RAPGEF2: variants seen among roughly 807,000 people sequenced by gnomAD.
RAPGEF2 encodes the protein PDZ domain containing guanine nucleotide exchange factor (GEF) 1.
A neutral mutation model predicts 186.7 loss-of-function variants in RAPGEF2; 54 were observed. The observed-to-expected ratio is 0.29, with a 90% CI of 0.23 to 0.36. RAPGEF2 has a LOEUF of 0.36. RAPGEF2 is among the 10% of genes least tolerant of loss of function. RAPGEF2 has a pLI of 1.00. For synonymous variants in RAPGEF2, 712 were observed against 705.9 expected (o/e 1.01, Z -0.14); for missense variants, 1,532 against 2,045.0 (o/e 0.75, Z 4.84).
intron 11 of RAPGEF2, chr4:159,327,682 A>G (rs1215342511): frequency 6.6e-6 from 1 of 151,952 alleles, no homozygotes; most frequent in Non-Finnish European, 1.5e-5. Context: ...AAAGATTTTC[A>G]ACTGACTTCA....
At position 159,340,978 on chromosome 4, in the gene RAPGEF2, CT is replaced by C. The variant is rs572761822; in HGVS notation, c.2535-585del. On this transcript the variant is annotated intron_variant, in intron 19 of 29. Coordinates refer to ENST00000691494, the MANE Select transcript of RAPGEF2 (RefSeq NM_001394067.2). Reference sequence around the variant, plus strand: ...AGTATAATACCTACTATCCACTTACCTGTAGAGTTTTTATGAAAATCCAGAT... The same window carrying C: ...AGTATAATACCTACTATCCACTTACCGTAGAGTTTTTATGAAAATCCAGAT... Among the ~76,000 whole-genome samples, 468 of 152,278 alleles carry C rather than the reference CT, an allele frequency of 3.1e-3. 1 individual carries two copies. Among genetic ancestry groups the C allele is most frequent in the African/African-American group, 0.011 (440 of 41,546 alleles).
chr4:159,120,461 A>G (rs1739550102), intron 1 of RAPGEF2, among the ~76,000 whole-genome samples: 1 of 152,260 alleles, frequency 6.6e-6, no homozygotes, highest in African/African-American at 2.4e-5. Context: ...TGGTTGTTAT[A>G]CAAGATTAGC....
At chr4:159,121,508 G>A (rs1373636155) in intron 1 of RAPGEF2, among the ~76,000 whole-genome samples, 1 of 151,994 alleles carries the variant, frequency 6.6e-6, no homozygotes, top group East Asian at 1.9e-4. Context: ...TGGTACTACA[G>A]GTGTGTGCTA....
At chr4:159,267,788 T>A in intron 7 of RAPGEF2, 1 of 1,018,762 alleles carries the variant, frequency 9.8e-7, no homozygotes, top group Non-Finnish European at 1.2e-6. Context: ...TTTTAGCTTT[T>A]TTCTTTTTTT....
intron 4 of RAPGEF2, among the ~76,000 whole-genome samples, chr4:159,229,881 T>A (rs1164047274): frequency 1.3e-5 from 2 of 152,176 alleles, no homozygotes; most frequent in Admixed American, 6.5e-5. Flanking sequence ...GTCTTTTCAA[T>A]AATCATTTAC....
intron 3 of RAPGEF2, among the ~76,000 whole-genome samples, chr4:159,198,158 C>T (rs1748876778): frequency 6.6e-6 from 1 of 152,120 alleles, no homozygotes; most frequent in African/African-American, 2.4e-5. Flanking sequence ...CACTAATCTA[C>T]TACTTAGATC....
At chr4:159,199,515 T>A (rs950227332) in intron 3 of RAPGEF2, among the ~76,000 whole-genome samples, 2 of 152,076 alleles carry the variant, frequency 1.3e-5, no homozygotes, top group African/African-American at 4.8e-5. Flanking sequence ...ACTCCTTTGA[T>A]CTGTAGATAA....
intron 7 of RAPGEF2, among the ~76,000 whole-genome samples, chr4:159,289,951 C>T (rs1044197250): frequency 1.3e-5 from 2 of 152,068 alleles, no homozygotes; most frequent in East Asian, 3.9e-4. Flanking sequence ...GTGAGAAGAT[C>T]AAAAGGAGAA....
At chr4:159,268,878 TG>T (rs1343090041) in intron 7 of RAPGEF2, among the ~76,000 whole-genome samples, 9 of 152,212 alleles carry the variant, frequency 5.9e-5, no homozygotes, top group Admixed American at 1.3e-4. Flanking sequence ...TGAGTTCTCA[TG>T]GTGCTACTTT....
At chr4:159,341,157 A>AG (rs1378866858) in intron 19 of RAPGEF2, among the ~76,000 whole-genome samples, 3 of 151,724 alleles carry the variant, frequency 2.0e-5, no homozygotes, top group Admixed American at 6.6e-5. Flanking sequence ...TAAGAAAATA[A>AG]GAAAATAAGG....
intron 3 of RAPGEF2, among the ~76,000 whole-genome samples, chr4:159,193,645 A>C (rs1748343014): frequency 6.6e-6 from 1 of 152,242 alleles, no homozygotes; most frequent in Admixed American, 6.5e-5. Context: ...TTCTTTCAGA[A>C]ACAGGAAAAT....
Position 159,345,145 on chromosome 4 carries a change from T to A in RAPGEF2, c.3318T>A (p.Asp1106Glu). 1 of 1,614,166 alleles carries A rather than the reference T, an allele frequency of 6.2e-7. No individual in the cohort carries two copies. Among genetic ancestry groups the A allele is most frequent in the Non-Finnish European group, 8.5e-7 (1 of 1,180,002 alleles). The change falls in exon 24 of 30, where the codon GAT (aspartate) becomes GAA (glutamate). Residue 1106 changes from aspartate to glutamate, a missense_variant. Asp to Glu is a conservative substitution (Grantham distance 45). Coordinates refer to ENST00000691494, the MANE Select transcript of RAPGEF2 (RefSeq NM_001394067.2). The part of the protein sequence containing the change: ...SQGSTNATVL[D>E]VAQTGGHKKR... ...GTAGTACAAATGCAACAGTGCTAGA[T>A]GTTGCTCAGACAGGTGGTCATAAAA... is the stretch of plus-strand genomic sequence containing the variant.
chr4:159,124,917 A>G (rs1258251393), intron 1 of RAPGEF2, among the ~76,000 whole-genome samples: 2 of 152,204 alleles, frequency 1.3e-5, no homozygotes, highest in Non-Finnish European at 2.9e-5. Flanking sequence ...TTCATCCAGA[A>G]TGGTTTTTCC....
At chr4:159,250,942 C>G (rs1466000139) in intron 7 of RAPGEF2, among the ~76,000 whole-genome samples, 1 of 152,192 alleles carries the variant, frequency 6.6e-6, no homozygotes, top group Middle Eastern at 3.2e-3. Flanking sequence ...CAGGTGGGAA[C>G]CTGGGCTGTG....
chr4:159,144,707 A>G (rs1185551523), intron 1 of RAPGEF2, among the ~76,000 whole-genome samples: 1 of 152,138 alleles, frequency 6.6e-6, no homozygotes, highest in Non-Finnish European at 1.5e-5. Context: ...GATTTTTTCC[A>G]GAAATTATAA....
chr4:159,301,672 T>TAG (rs1015163817), intron 7 of RAPGEF2, among the ~76,000 whole-genome samples: 1 of 152,080 alleles, frequency 6.6e-6, no homozygotes, highest in Admixed American at 6.6e-5. Flanking sequence ...CTGGGCAACA[T>TAG]AGAGAGACCC....
chr4:159,178,551 CT>C (rs71589215), intron 1 of RAPGEF2, among the ~76,000 whole-genome samples: 955 of 75,414 alleles, frequency 0.013, 1 homozygote, highest in South Asian at 0.036. Flanking sequence ...ATGTATTATG[CT>C]TTTTTTTTTT....
chr4:159,295,712 AGTGTGTGAGTGTGTGTGT>A (rs1256851997), intron 7 of RAPGEF2, among the ~76,000 whole-genome samples: 1 of 97,292 alleles, frequency 1.0e-5, no homozygotes, highest in Non-Finnish European at 2.1e-5. Context: ...AGAGAGAGAG[AGTGTGTGAGTGTGTGTGT>A]GTGTGTGTGT....
At chr4:159,306,642 T>A (rs1763332339) in intron 8 of RAPGEF2, among the ~76,000 whole-genome samples, 1 of 152,154 alleles carries the variant, frequency 6.6e-6, no homozygotes, top group African/African-American at 2.4e-5. Context: ...CTTGCCTAAT[T>A]GCTCTGGCTA....
Sources: allele counts gnomAD v4.1 joint callset (sites outside exome capture counted in the v4.1 genomes callset), GRCh38; gene constraint gnomAD v4.1.1; transcripts MANE v1.5; gene names NCBI Gene and HGNC (gene_info 2026-07-23, HGNC 2026-07-21).